Variants in RABGAP1L observed in about 807,000 individuals in gnomAD.
The protein encoded by RABGAP1L is rab GTPase-activating protein 1-like.
RABGAP1L carries 63 observed loss-of-function variants against 137.7 expected under a neutral mutation model. The ratio of observed to expected loss-of-function variants is 0.46; its 90% confidence interval spans 0.37 to 0.56. The LOEUF (loss-of-function observed/expected upper bound fraction) is 0.56. RABGAP1L is among the 20% of genes least tolerant of loss of function. The probability of loss-of-function intolerance (pLI) is 0.00; values close to 1 mark genes in which losing one functional copy is unlikely to be tolerated. For missense variants in RABGAP1L, 1,095 were observed against 1,244.0 expected (o/e 0.88, Z 1.80); for synonymous variants, 431 against 433.7 (o/e 0.99, Z 0.08).
At chr1:174,563,094 T>C (rs1667333855) in intron 13 of RABGAP1L, among the ~76,000 whole-genome samples, 1 of 152,226 alleles carries the variant, frequency 6.6e-6, no homozygotes, top group African/African-American at 2.4e-5. Context: ...GAGTAATTCC[T>C]GTAGACATAA....
chr1:174,432,821 C>A lies in RABGAP1L; in HGVS notation c.1710+38676C>A, dbSNP rs1021904937. On this transcript the variant is annotated intron_variant, in intron 13 of 25. Coordinates refer to ENST00000681986, the MANE Select transcript of RABGAP1L (RefSeq NM_001366446.1). ...AAAGTGCTAGTATTACAGGCGTGAG[C>A]CACTGTGCCTGGCTGATATTTCTTT... is the stretch of plus-strand genomic sequence containing the variant. 5.9e-5 allele frequency among the ~76,000 whole-genome samples: 9 copies of A among 152,142 alleles called. 1 individual carries two copies. Among genetic ancestry groups the A allele is most frequent in the Admixed American group, 2.0e-4 (3 of 15,276 alleles).
intron 11 of RABGAP1L, among the ~76,000 whole-genome samples, chr1:174,316,599 T>C (rs1679399711): frequency 6.6e-6 from 1 of 152,176 alleles, no homozygotes; most frequent in Non-Finnish European, 1.5e-5. Context: ...ACATTCTCTC[T>C]CTCTCTGTCC....
intron 12 of RABGAP1L, among the ~76,000 whole-genome samples, chr1:174,389,140 C>T (rs778629074): frequency 7.2e-5 from 11 of 152,032 alleles, no homozygotes; most frequent in Non-Finnish European, 1.2e-4. Flanking sequence ...TCATAATGAC[C>T]TTTAATCTAT....
intron 5 of RABGAP1L, chr1:174,245,845 A>G (rs1240904527): frequency 1.3e-5 from 2 of 152,106 alleles, no homozygotes; most frequent in African/African-American, 4.8e-5. Flanking sequence ...CATGTTGGCC[A>G]GGCTGGTCTT....
At chr1:174,516,704 A>G (rs1367136782) in intron 13 of RABGAP1L, among the ~76,000 whole-genome samples, 2 of 152,096 alleles carry the variant, frequency 1.3e-5, no homozygotes, top group Admixed American at 6.6e-5. Flanking sequence ...AATCCTCAAA[A>G]CAAGTGTGTT....
chr1:174,526,803 T>C (rs1209302246), intron 13 of RABGAP1L, among the ~76,000 whole-genome samples: 2 of 152,142 alleles, frequency 1.3e-5, no homozygotes, highest in Non-Finnish European at 2.9e-5. Context: ...TTTATATTGC[T>C]TTTTTAGTAT....
chr1:174,475,299 G>T (rs1414981211), intron 13 of RABGAP1L, among the ~76,000 whole-genome samples: 1 of 152,028 alleles, frequency 6.6e-6, no homozygotes, highest in African/African-American at 2.4e-5. Context: ...AGATTCCCTT[G>T]TTATGCTTTT....
At chr1:174,886,588 AAC>A (rs757785416) in intron 19 of RABGAP1L, among the ~76,000 whole-genome samples, 1 of 152,214 alleles carries the variant, frequency 6.6e-6, no homozygotes, top group African/African-American at 2.4e-5. Context: ...TACTAACTTA[AAC>A]ATTTGTTTTT....
chr1:174,552,585 A>G (rs1267776235), intron 13 of RABGAP1L, among the ~76,000 whole-genome samples: 1 of 152,116 alleles, frequency 6.6e-6, no homozygotes, highest in Admixed American at 6.5e-5. Flanking sequence ...ATGAGATCCT[A>G]TACACCATGA....
rs1232351729 is a variant in RABGAP1L, at chr1:174,946,934, ATATATATGTGTGTGTG to A, written c.2341-10521_2341-10506del. ...AAAAAAAAAATATATATATATATATATATATATGTGTGTGTGTGTGTGTGTGTGTGTGTGTGTGTGT... is the reference window on the plus strand; with the variant it reads ...AAAAAAAAAATATATATATATATATATGTGTGTGTGTGTGTGTGTGTGTGT... On this transcript the variant is annotated intron_variant, in intron 19 of 25. Transcript: ENST00000681986. Among the ~76,000 whole-genome samples, 423 of 69,826 alleles carry A rather than the reference ATATATATGTGTGTGTG, an allele frequency of 6.1e-3. 20 individuals are homozygous for A. The highest frequency in any genetic ancestry group is 0.026 in the African/African-American group (408 of 15,624). The allele number at this position is 69,826 out of a possible 152,430, so 45.8% of individuals were successfully genotyped here.
At chr1:174,635,740 G>A (rs570307289) in intron 13 of RABGAP1L, among the ~76,000 whole-genome samples, 1 of 152,060 alleles carries the variant, frequency 6.6e-6, no homozygotes. Context: ...AGGAAATTTG[G>A]AAGTTTTTGG....
intron 13 of RABGAP1L, chr1:174,548,348 C>G (rs1016200742): frequency 2.7e-6 from 3 of 1,100,038 alleles, no homozygotes; most frequent in African/African-American, 3.2e-5. Context: ...TTAAAGTGCT[C>G]TATTACCCTT....
chr1:174,223,581 A>G (rs909654066), intron 3 of RABGAP1L, among the ~76,000 whole-genome samples: 1 of 152,078 alleles, frequency 6.6e-6, no homozygotes, highest in Admixed American at 6.6e-5. Flanking sequence ...AATTTTAATA[A>G]AATTATAAAA....
intron 1 of RABGAP1L, among the ~76,000 whole-genome samples, chr1:174,171,364 C>T (rs1332821811): frequency 6.6e-6 from 1 of 152,018 alleles, no homozygotes; most frequent in Non-Finnish European, 1.5e-5. Flanking sequence ...ATATACAAAA[C>T]ATATACAGAT....
rs1224875988 is a variant in RABGAP1L, at chr1:174,989,970, C to G, written c.3125C>G (p.Pro1042Arg). ...GGCACCCAGCCATTGCAGCCAGCACCGGTCACCCAGCCACCCAAGGAGAGC... is the reference window on the plus strand; with the variant it reads ...GGCACCCAGCCATTGCAGCCAGCACGGGTCACCCAGCCACCCAAGGAGAGC... Reference protein sequence around the residue: ...ATGTQPLQPAPVTQPPKEST With the variant: ...ATGTQPLQPARVTQPPKEST The change falls in exon 26 of 26, where the codon CCG (proline) becomes CGG (arginine). Residue 1042 changes from proline (P) to arginine (R), a missense_variant. Pro to Arg is a moderately radical substitution (Grantham distance 103, BLOSUM62 -2). Around this residue, in one of 4 missense-constraint regions of RABGAP1L, gnomAD observed 312 missense variants for 435.6 expected, o/e 0.72. Coordinates refer to ENST00000681986, the MANE Select transcript of RABGAP1L (RefSeq NM_001366446.1). 4 of 1,548,874 alleles carry G rather than the reference C, an allele frequency of 2.6e-6. No individual in the cohort carries two copies. Among genetic ancestry groups the G allele is most frequent in the Non-Finnish European group, 3.5e-6 (4 of 1,145,320 alleles).
chr1:174,510,566 A>G (rs1213569742), intron 13 of RABGAP1L, among the ~76,000 whole-genome samples: 3 of 152,158 alleles, frequency 2.0e-5, no homozygotes, highest in Admixed American at 6.5e-5. Context: ...CTTTACTGAG[A>G]CAGCATAAAA....
chr1:174,631,550 G>A (rs1270919412), intron 13 of RABGAP1L, among the ~76,000 whole-genome samples: 1 of 85,870 alleles, frequency 1.2e-5, no homozygotes, highest in East Asian at 2.9e-4. Flanking sequence ...AGGTCACTCA[G>A]GACTTGCTTT....
chr1:174,607,199 G>A (rs377598647), intron 13 of RABGAP1L, among the ~76,000 whole-genome samples: 47 of 152,252 alleles, frequency 3.1e-4, no homozygotes, highest in African/African-American at 9.4e-4. Context: ...CTTCATAGGG[G>A]CATTGATTCT....
At chr1:174,453,385 AAATG>A (rs1655657863) in intron 13 of RABGAP1L, among the ~76,000 whole-genome samples, 1 of 152,250 alleles carries the variant, frequency 6.6e-6, no homozygotes, top group Non-Finnish European at 1.5e-5. Context: ...ATTTAAAGAT[AAATG>A]AAGTTGCCTT....
Sources: gnomAD v4.1 joint callset for allele counts (sites outside exome capture counted in the v4.1 genomes callset) on GRCh38, gnomAD v4.1.1 for gene constraint, gnomAD v4.1.1 regional missense constraint, MANE v1.5 for transcripts, NCBI Gene and HGNC (gene_info 2026-07-23, HGNC 2026-07-21) for gene names.